Variants in AGBL4 observed in about 807,000 individuals in gnomAD.
The protein encoded by AGBL4 is AGBL carboxypeptidase 4, also known as cytosolic carboxypeptidase 6.
AGBL4 carries 58 observed loss-of-function variants against 66.4 expected under a neutral mutation model. The observed-to-expected ratio is 0.87, with a 90% CI of 0.71 to 1.09. AGBL4 has a LOEUF of 1.09. Ranked by LOEUF, AGBL4 falls within the 50% of genes least tolerant of loss-of-function variation. The pLI is 0.00. For missense variants in AGBL4, 579 were observed against 631.0 expected, an observed-to-expected ratio of 0.92 and a Z score of 0.88; for synonymous variants, 234 against 222.9, an observed-to-expected ratio of 1.05 and a Z score of -0.44.
intron 4 of AGBL4, among the ~76,000 whole-genome samples, chr1:49,233,674 A>G (rs1251671873): frequency 6.6e-6 from 1 of 152,244 alleles, no homozygotes; most frequent in East Asian, 1.9e-4. Context: ...TGGTTCAGAC[A>G]TAGTATTTTC....
chr1:48,921,265 T>C (rs1485969747), intron 5 of AGBL4, among the ~76,000 whole-genome samples: 1 of 152,136 alleles, frequency 6.6e-6, no homozygotes, highest in Non-Finnish European at 1.5e-5. Context: ...TGGCAAAACA[T>C]AGGACCTTTG....
chr1:48,745,132 C>T lies in AGBL4; in HGVS notation c.635-81891G>A, dbSNP rs145510589. Among the ~76,000 whole-genome samples the T allele has an allele frequency of 6.3e-4, 96 of 152,270 alleles. 2 individuals carry two copies. In the South Asian group the frequency reaches 0.013, roughly 20 times the overall value. ...TTTAGCATCTTGGAGCGTAGGGAAGCGCCTGGCACATGGCAGGCTCTTAGT... is the reference window on the plus strand; with the variant it reads ...TTTAGCATCTTGGAGCGTAGGGAAGTGCCTGGCACATGGCAGGCTCTTAGT... On this transcript the variant is annotated intron_variant, in intron 6 of 13. Transcript: ENST00000371839.
At chr1:48,926,540 C>T (rs1349665778) in intron 5 of AGBL4, among the ~76,000 whole-genome samples, 1 of 151,948 alleles carries the variant, frequency 6.6e-6, no homozygotes, top group East Asian at 1.9e-4. Flanking sequence ...CCGCCCACCT[C>T]GGACTCCCAA....
chr1:49,075,734 T>C (rs1171232490), intron 4 of AGBL4, among the ~76,000 whole-genome samples: 1 of 152,230 alleles, frequency 6.6e-6, no homozygotes, highest in Admixed American at 6.5e-5. Flanking sequence ...AGGCTTCTAT[T>C]AATGTTATTT....
At chr1:49,288,649 C>G (rs1278080718) in intron 3 of AGBL4, among the ~76,000 whole-genome samples, 3 of 152,142 alleles carry the variant, frequency 2.0e-5, no homozygotes, top group Non-Finnish European at 4.4e-5. Flanking sequence ...CTAAGTGGAG[C>G]TTTCAACAGT....
chr1:49,597,666 A>C (rs1644876584), intron 3 of AGBL4, among the ~76,000 whole-genome samples: 2 of 152,226 alleles, frequency 1.3e-5, no homozygotes, highest in South Asian at 4.1e-4. Flanking sequence ...AGAAGGAAAG[A>C]CAAAAGAGTG....
At chr1:49,853,560 G>C (rs1032354258) in intron 1 of AGBL4, among the ~76,000 whole-genome samples, 2 of 151,996 alleles carry the variant, frequency 1.3e-5, no homozygotes, top group East Asian at 3.9e-4. Flanking sequence ...ATGAGAGTAA[G>C]AATGAAGCAG....
At chr1:49,620,000 C>T (rs1213991990) in intron 3 of AGBL4, among the ~76,000 whole-genome samples, 2 of 152,066 alleles carry the variant, frequency 1.3e-5, no homozygotes, top group South Asian at 2.1e-4. Flanking sequence ...AAACCTAAGA[C>T]CTAAAACCAT....
chr1:48,614,451 C>A (rs754348354), intron 9 of AGBL4, among the ~76,000 whole-genome samples: 11 of 152,132 alleles, frequency 7.2e-5, no homozygotes, highest in Non-Finnish European at 1.3e-4. Flanking sequence ...TGAATAGGAC[C>A]CAGTAGTATT....
rs1021677054 is a variant in AGBL4, at chr1:49,940,299, T to C, written c.34+83464A>G. On this transcript the variant is annotated intron_variant, in intron 1 of 13. Transcript: ENST00000371839. ...ATTGTGGAAGTCAGTGTGGCGATTC[T>C]TCAGGGATCTAGAACTAGAAATACC... Among the ~76,000 whole-genome samples, 8 of 152,266 alleles carry C rather than the reference T, an allele frequency of 5.3e-5. No homozygotes were observed. The South Asian group carries it at 6.2e-4, about 12-fold the overall frequency.
At chr1:49,788,883 A>T (rs1644524122) in intron 2 of AGBL4, among the ~76,000 whole-genome samples, 1 of 152,222 alleles carries the variant, frequency 6.6e-6, no homozygotes, top group Non-Finnish European at 1.5e-5. Flanking sequence ...AATATGTTGA[A>T]TAAGAGTGGT....
chr1:49,854,079 A>C (rs540421702), intron 1 of AGBL4, among the ~76,000 whole-genome samples: 4 of 152,122 alleles, frequency 2.6e-5, no homozygotes, highest in Non-Finnish European at 5.9e-5. Flanking sequence ...CTATAGAAAA[A>C]ATAGCAATGT....
At chr1:48,568,256 C>T (rs1644506512) in intron 11 of AGBL4, among the ~76,000 whole-genome samples, 1 of 152,144 alleles carries the variant, frequency 6.6e-6, no homozygotes, top group Non-Finnish European at 1.5e-5. Flanking sequence ...CACTCTCTCC[C>T]CTAATGATTT....
chr1:49,013,878 C>T (rs1363908437), intron 5 of AGBL4, among the ~76,000 whole-genome samples: 1 of 152,198 alleles, frequency 6.6e-6, no homozygotes, highest in Non-Finnish European at 1.5e-5. Flanking sequence ...TTCTTTCATG[C>T]TTTGAGATTT....
At chr1:49,513,652 A>C (rs1649481944) in intron 3 of AGBL4, among the ~76,000 whole-genome samples, 1 of 152,058 alleles carries the variant, frequency 6.6e-6, no homozygotes, top group Admixed American at 6.6e-5. Context: ...GACCTGTCCC[A>C]GAAACATTCC....
intron 3 of AGBL4, among the ~76,000 whole-genome samples, chr1:49,289,773 A>G (rs1346248423): frequency 1.3e-5 from 2 of 152,188 alleles, no homozygotes; most frequent in Non-Finnish European, 2.9e-5. Context: ...AAGAAAGGGT[A>G]AAATAAATGA....
rs559275277 is a variant in AGBL4, at chr1:48,902,438, G to A, written c.595-35208C>T. On this transcript the variant is annotated intron_variant, in intron 5 of 13. Coordinates refer to ENST00000371839, the MANE Select transcript of AGBL4 (RefSeq NM_032785.4). ...CTGATGTTGATAATCTAGAAGAGAA[G>A]AAAAGCAGTGGAGATGCTGAGAAGT... 3.3e-5 allele frequency among the ~76,000 whole-genome samples: 5 copies of A among 152,274 alleles called. No individual in the cohort carries two copies. In the East Asian group the frequency reaches 9.7e-4, roughly 29 times the overall value.
intron 1 of AGBL4, among the ~76,000 whole-genome samples, chr1:49,960,205 T>C (rs922343049): frequency 7.2e-5 from 11 of 151,994 alleles, no homozygotes; most frequent in African/African-American, 2.7e-4. Context: ...AAAGGCAGTG[T>C]ATATATACAC....
In AGBL4 at chr1:49,856,125, A is replaced by G. The variant is rs1003764110; in HGVS notation, c.35-4607T>C. ...ATTATGAACAACCATGTGCTATCAA[A>G]TTGGAAAACCAAGAGAAAAATGTAT... is the stretch of plus-strand genomic sequence containing the variant. On this transcript the variant is annotated intron_variant, in intron 1 of 13. Coordinates refer to ENST00000371839, the MANE Select transcript of AGBL4 (RefSeq NM_032785.4). Among the ~76,000 whole-genome samples the G allele has an allele frequency of 3.9e-5, 6 of 152,088 alleles. No homozygotes were observed. The South Asian group carries it at 1.0e-3, about 26-fold the overall frequency.
Sources: allele counts gnomAD v4.1 joint callset (sites outside exome capture counted in the v4.1 genomes callset), GRCh38; gene constraint gnomAD v4.1.1; transcripts MANE v1.5; gene names NCBI Gene and HGNC (gene_info 2026-07-23, HGNC 2026-07-21).